CIRSR: variants seen among roughly 807,000 people sequenced by gnomAD.
CIRSR encodes the protein CBF1 (RBPJ) interacting corepressor 1.
chr2:174,351,821 A>C, the CIRSR span: 1 of 772,152 alleles, frequency 1.3e-6, no homozygotes, highest in Non-Finnish European at 2.0e-6. Context: ...TGTTAAGTAA[A>C]ATCACAGCTA....
the CIRSR span, among the ~76,000 whole-genome samples, chr2:174,369,601 A>C: frequency 1.3e-5 from 2 of 152,190 alleles, no homozygotes. Flanking sequence ...TTTTGATTAA[A>C]GTGAGAGATG....
At chr2:174,352,827 C>T in the CIRSR span, among the ~76,000 whole-genome samples, 1 of 152,076 alleles carries the variant, frequency 6.6e-6, no homozygotes, top group Non-Finnish European at 1.5e-5. Flanking sequence ...ACAGTTACTG[C>T]CAAAAAGGAG....
At chr2:174,373,743 T>G in the CIRSR span, among the ~76,000 whole-genome samples, 1 of 151,322 alleles carries the variant, frequency 6.6e-6, no homozygotes, top group African/African-American at 2.4e-5. Flanking sequence ...TTAGAAATGT[T>G]GAAAATGTCT....
At chr2:174,348,229 T>A in the CIRSR span, 1 of 371,506 alleles carries the variant, frequency 2.7e-6, no homozygotes, top group Non-Finnish European at 4.7e-6. Context: ...TTATCTGGTA[T>A]GGGGAACAAG....
chr2:174,370,121 G>T, the CIRSR span: 1 of 1,288,344 alleles, frequency 7.8e-7, no homozygotes, highest in South Asian at 1.2e-5. Context: ...GAGTTCAACG[G>T]CGGGCATAAT....
the CIRSR span, among the ~76,000 whole-genome samples, chr2:174,361,293 A>T: frequency 6.6e-6 from 1 of 152,242 alleles, no homozygotes; most frequent in East Asian, 1.9e-4. Flanking sequence ...CAGGGCTATG[A>T]GTAGCTATCC....
chr2:174,391,637 G>C, the CIRSR span, among the ~76,000 whole-genome samples: 3 of 152,096 alleles, frequency 2.0e-5, no homozygotes, highest in South Asian at 2.1e-4. Flanking sequence ...TAGTAGGAGG[G>C]GAGAAGGAGA....
chr2:174,358,553 GAT>G, the CIRSR span: 3 of 152,034 alleles, frequency 2.0e-5, no homozygotes, highest in Non-Finnish European at 4.4e-5. Flanking sequence ...TGAATATAAA[GAT>G]ATATGACTTA....
At chr2:174,348,213 C>G in the CIRSR span, 8 of 305,210 alleles carry the variant, frequency 2.6e-5, no homozygotes, top group Non-Finnish European at 4.8e-5. Context: ...GAGTTATATG[C>G]GGTTTTTATC....
chr2:174,352,228 T>TACACACAC, the CIRSR span, among the ~76,000 whole-genome samples: 1 of 136,580 alleles, frequency 7.3e-6, no homozygotes, highest in African/African-American at 3.0e-5. Flanking sequence ...CACACACACA[T>TACACACAC]ACACACACAC....
chr2:174,348,637 T>C, the CIRSR span: 1 of 1,614,224 alleles, frequency 6.2e-7, no homozygotes, highest in Non-Finnish European at 8.5e-7. Flanking sequence ...TGTGCCCGTT[T>C]CCTTGTCTCC....
At chr2:174,354,669 A>G in the CIRSR span, among the ~76,000 whole-genome samples, 1 of 91,946 alleles carries the variant, frequency 1.1e-5, no homozygotes, top group Non-Finnish European at 2.0e-5. Context: ...TATAATATAT[A>G]TTATATATTT....
the CIRSR span, among the ~76,000 whole-genome samples, chr2:174,369,717 G>GA: frequency 6.6e-6 from 1 of 152,198 alleles, no homozygotes; most frequent in Non-Finnish European, 1.5e-5. Flanking sequence ...TGAAGAAAGG[G>GA]AGAGAGATAA....
chr2:174,364,634 C>A, the CIRSR span, among the ~76,000 whole-genome samples: 9 of 152,352 alleles, frequency 5.9e-5, no homozygotes, highest in Admixed American at 5.9e-4. Flanking sequence ...GTTCCCAAAT[C>A]TCAATTCTTG....
At chr2:174,392,057 G>A in the CIRSR span, among the ~76,000 whole-genome samples, 1 of 152,154 alleles carries the variant, frequency 6.6e-6, no homozygotes, top group African/African-American at 2.4e-5. Flanking sequence ...GAGTGCAGTG[G>A]CGCAATCTTG....
chr2:174,352,205 TCACACA>T, the CIRSR span, among the ~76,000 whole-genome samples: 5 of 150,366 alleles, frequency 3.3e-5, no homozygotes, highest in East Asian at 2.0e-4. Context: ...TGGTTGCTAA[TCACACA>T]CACACACACA....
the CIRSR span, among the ~76,000 whole-genome samples, chr2:174,390,481 G>C: frequency 1.4e-4 from 21 of 152,326 alleles, no homozygotes; most frequent in Non-Finnish European, 2.6e-4. Flanking sequence ...CAGGCTCATA[G>C]GTGGAAGGGA....
At chr2:174,383,864 A>G in the CIRSR span, among the ~76,000 whole-genome samples, 7 of 151,448 alleles carry the variant, frequency 4.6e-5, no homozygotes, top group Non-Finnish European at 2.9e-5. Flanking sequence ...AAAAAAAAAA[A>G]AAAGAAAATA....
At chr2:174,362,467 G>C in the CIRSR span, among the ~76,000 whole-genome samples, 1 of 151,806 alleles carries the variant, frequency 6.6e-6, no homozygotes, top group Non-Finnish European at 1.5e-5. Flanking sequence ...ATAACTTTGA[G>C]CTTGAAAGTC....
Sources: gnomAD v4.1 joint callset for allele counts (sites outside exome capture counted in the v4.1 genomes callset) on GRCh38, gnomAD v4.1.1 for gene constraint, MANE v1.5 for transcripts, NCBI Gene and HGNC (gene_info 2026-07-23, HGNC 2026-07-21) for gene names.